The following HIVEP1 variants were observed in gnomAD, a reference collection of about 807,000 sequenced individuals.
HIVEP1 encodes the protein HIVEP zinc finger 1, also known as zinc finger protein 40.
A neutral mutation model predicts 180.0 loss-of-function variants in HIVEP1; 36 were observed. That is an observed-to-expected ratio of 0.20 (90% confidence interval 0.15 to 0.26). HIVEP1 has a LOEUF of 0.26. Ranked by LOEUF, HIVEP1 falls within the 10% of genes least tolerant of loss-of-function variation. The probability of loss-of-function intolerance (pLI) is 1.00; values close to 1 mark genes in which losing one functional copy is unlikely to be tolerated. For synonymous variants in HIVEP1, 1,239 were observed against 1,239.0 expected (o/e 1.00, Z 0.00); for missense variants, 3,143 against 3,268.7 (o/e 0.96, Z 0.94).
chr6:12,051,016 A>ATATATATATATATATATATATATATATG (rs1337110740), intron 2 of HIVEP1, among the ~76,000 whole-genome samples: 31 of 135,824 alleles, frequency 2.3e-4, no homozygotes, highest in Admixed American at 5.2e-4. Flanking sequence ...ATATATATAT[A>ATATATATATATATATATATATATATATG]TATATATATA....
the HIVEP1 span, among the ~76,000 whole-genome samples, chr6:12,186,243 TA>T: frequency 6.6e-6 from 1 of 150,982 alleles, no homozygotes. Context: ...TATGTATTAA[TA>T]TTACATATAT....
intron 3 of HIVEP1, among the ~76,000 whole-genome samples, chr6:12,107,984 G>C (rs1461307065): frequency 6.6e-6 from 1 of 152,220 alleles, no homozygotes; most frequent in East Asian, 1.9e-4. Context: ...CCCCACCAGA[G>C]TAGCTAGATA....
downstream of HIVEP1, chr6:12,165,111 T>A (rs369133793): frequency 1.7e-5 from 9 of 514,614 alleles, no homozygotes; most frequent in Non-Finnish European, 3.1e-5. Flanking sequence ...TCATTTTTTT[T>A]ATAAACAGAG....
the HIVEP1 span, among the ~76,000 whole-genome samples, chr6:12,178,642 T>G: frequency 6.6e-6 from 1 of 152,132 alleles, no homozygotes; most frequent in Non-Finnish European, 1.5e-5. Context: ...CAGACACAAC[T>G]GGCAGAGGGA....
chr6:12,050,826 G>A (rs1443249743), intron 2 of HIVEP1, among the ~76,000 whole-genome samples: 6 of 151,320 alleles, frequency 4.0e-5, no homozygotes, highest in Admixed American at 2.6e-4. Flanking sequence ...CTACTTTTGG[G>A]GGGTCTTAAT....
chr6:12,017,980 T>C (rs1479608041), intron 2 of HIVEP1, among the ~76,000 whole-genome samples: 2 of 152,174 alleles, frequency 1.3e-5, no homozygotes, highest in Non-Finnish European at 2.9e-5. Context: ...GGGGCAGCGC[T>C]CATCGGGGAG....
At chr6:12,085,307 T>C (rs559005321) in intron 2 of HIVEP1, among the ~76,000 whole-genome samples, 5 of 151,076 alleles carry the variant, frequency 3.3e-5, no homozygotes, top group African/African-American at 9.7e-5. Context: ...GAAGGGACAG[T>C]GTGGGAGGCA....
At chr6:12,176,233 G>GTT in the HIVEP1 span, among the ~76,000 whole-genome samples, 6,501 of 133,406 alleles carry the variant, frequency 0.049, 363 homozygotes, top group African/African-American at 0.12. Context: ...TAAGTCTTGG[G>GTT]TTTTTTTTTT....
Position 12,099,090 on chromosome 6 carries a change from C to T in HIVEP1, c.94+9853C>T, listed in dbSNP as rs182990803. On this transcript the variant is annotated intron_variant, in intron 3 of 8. Transcript: ENST00000379388. ...TAACATTCATGCATGGCCTGATCTG[C>T]GGTGGGAGGTGGACTGCAGGAGCCC... Among the ~76,000 whole-genome samples, 4 of 151,596 alleles carry T rather than the reference C, an allele frequency of 2.6e-5. No homozygotes were observed. The East Asian group carries it at 5.8e-4, about 22-fold the overall frequency.
chr6:12,041,839 T>G (rs1403655834), intron 2 of HIVEP1, among the ~76,000 whole-genome samples: 1 of 124,600 alleles, frequency 8.0e-6, no homozygotes, highest in Non-Finnish European at 1.7e-5. Flanking sequence ...TTTTGTATTT[T>G]TAGTAGAAAC....
intron 2 of HIVEP1, among the ~76,000 whole-genome samples, chr6:12,049,081 G>A (rs946065934): frequency 1.3e-5 from 2 of 152,136 alleles, no homozygotes; most frequent in Non-Finnish European, 2.9e-5. Context: ...GGTGGGTGTG[G>A]GCAGGGGGAA....
chr6:12,117,941 T>TTC (rs1271721689), intron 3 of HIVEP1, among the ~76,000 whole-genome samples: 1 of 152,200 alleles, frequency 6.6e-6, no homozygotes, highest in East Asian at 1.9e-4. Context: ...CCTGATAGAG[T>TTC]TAATGAGAGT....
At chr6:12,094,956 TATC>T (rs1422078970) in intron 3 of HIVEP1, among the ~76,000 whole-genome samples, 1 of 152,046 alleles carries the variant, frequency 6.6e-6, no homozygotes, top group African/African-American at 2.4e-5. Flanking sequence ...AATAAGGGAT[TATC>T]CAAACATTCT....
intron 2 of HIVEP1, among the ~76,000 whole-genome samples, chr6:12,043,937 G>A (rs1769946084): frequency 6.6e-6 from 1 of 152,176 alleles, no homozygotes; most frequent in South Asian, 2.1e-4. Flanking sequence ...TTGCTTCAGA[G>A]TAATCTGAGG....
At chr6:12,090,735 C>CT (rs35266647) in intron 3 of HIVEP1, among the ~76,000 whole-genome samples, 2,617 of 82,394 alleles carry the variant, frequency 0.032, 113 homozygotes, top group African/African-American at 0.069. Flanking sequence ...TATAGCCAGC[C>CT]TTTTTTTTTT....
Position 12,063,860 on chromosome 6 carries a change from T to C in HIVEP1, c.41-25324T>C, listed in dbSNP as rs970917607. ...TAGTGGTAAAAATCATTGCATGTCCTAGACCTTCCTGAGCACTGCAAACCT... is the reference window on the plus strand; with the variant it reads ...TAGTGGTAAAAATCATTGCATGTCCCAGACCTTCCTGAGCACTGCAAACCT... On this transcript the variant is annotated intron_variant, in intron 2 of 8. Transcript: ENST00000379388. The surrounding 1 kb of genome is among the most constrained non-coding windows in gnomAD (Gnocchi z 4.2). Among the ~76,000 whole-genome samples, 17 of 152,206 alleles carry C rather than the reference T, an allele frequency of 1.1e-4. No individual in the cohort carries two copies. Among genetic ancestry groups the C allele is most frequent in the African/African-American group, 4.1e-4 (17 of 41,444 alleles).
the HIVEP1 span, among the ~76,000 whole-genome samples, chr6:12,194,026 T>A: frequency 6.7e-6 from 1 of 148,366 alleles, no homozygotes; most frequent in African/African-American, 2.5e-5. Flanking sequence ...GGCAATTGAG[T>A]CCTTGAAATG....
At chr6:12,105,507 G>A (rs1774368172) in intron 3 of HIVEP1, among the ~76,000 whole-genome samples, 2 of 152,136 alleles carry the variant, frequency 1.3e-5, no homozygotes, top group Middle Eastern at 6.3e-3. Context: ...TTGCCTTCAA[G>A]CTGATCATGT....
In HIVEP1 at chr6:12,017,549, C is replaced by T. The variant is rs115987223; in HGVS notation, c.40+1881C>T. On this transcript the variant is annotated intron_variant, in intron 2 of 8. Coordinates refer to ENST00000379388, the MANE Select transcript of HIVEP1 (RefSeq NM_002114.4). Reference sequence around the variant, plus strand: ...CCCAAGCAGTTGCAACTGCTGCCTCCGGCAGCCTGCTTTTATTCTCCCGTC... The same window carrying T: ...CCCAAGCAGTTGCAACTGCTGCCTCTGGCAGCCTGCTTTTATTCTCCCGTC... Among the ~76,000 whole-genome samples, 275 of 152,314 alleles carry T rather than the reference C, an allele frequency of 1.8e-3. 2 individuals are homozygous for T. The highest frequency in any genetic ancestry group is 0.011 in the East Asian group (56 of 5,180).
Sources: gnomAD v4.1 joint callset for allele counts (sites outside exome capture counted in the v4.1 genomes callset) on GRCh38, gnomAD v4.1.1 for gene constraint, Gnocchi (gnomAD v3.1) non-coding constraint, MANE v1.5 for transcripts, NCBI Gene and HGNC (gene_info 2026-07-23, HGNC 2026-07-21) for gene names.